ADGRB3: variants seen among roughly 807,000 people sequenced by gnomAD.
ADGRB3 encodes adhesion G protein-coupled receptor B3.
Under a neutral mutation model 193.4 loss-of-function variants are expected in ADGRB3, and 37 were observed. The observed-to-expected ratio is 0.19, with a 90% CI of 0.15 to 0.25. The LOEUF (loss-of-function observed/expected upper bound fraction) is 0.25, where lower values mean the gene tolerates loss of function less well. ADGRB3 is among the 10% of genes least tolerant of loss of function. ADGRB3 has a pLI of 1.00. For synonymous variants in ADGRB3, 690 were observed against 644.2 expected, an observed-to-expected ratio of 1.07 and a Z score of -1.08; for missense variants, 1,637 against 1,852.9, an observed-to-expected ratio of 0.88 and a Z score of 2.14.
At chr6:69,382,644 T>C (rs1204942129) in intron 30 of ADGRB3, among the ~76,000 whole-genome samples, 187 bp from the exon 31 acceptor site, 1 of 151,930 alleles carries the variant, frequency 6.6e-6, no homozygotes, top group Admixed American at 6.6e-5. Context: ...CAATTCTTAA[T>C]GTGTAAGAAG....
At chr6:69,193,588 T>TATTAA (rs1765240469) in intron 17 of ADGRB3, among the ~76,000 whole-genome samples, 1 of 152,048 alleles carries the variant, frequency 6.6e-6, no homozygotes, top group Admixed American at 6.6e-5. Flanking sequence ...TATAACACCA[T>TATTAA]ATTAAATAAC....
At chr6:68,841,056 C>T (rs1435462820) in intron 3 of ADGRB3, among the ~76,000 whole-genome samples, 3 of 152,114 alleles carry the variant, frequency 2.0e-5, no homozygotes, top group African/African-American at 7.2e-5. Flanking sequence ...GATATATCAA[C>T]TGCAAATATA....
intron 30 of ADGRB3, among the ~76,000 whole-genome samples, 200 bp downstream of exon 30, chr6:69,372,641 A>C (rs1243048196): frequency 6.6e-6 from 1 of 152,054 alleles, no homozygotes; most frequent in African/African-American, 2.4e-5. Context: ...GTATTTGCTA[A>C]ACTGAGATTT....
chr6:69,153,305 A>T (rs1176899915), intron 17 of ADGRB3, among the ~76,000 whole-genome samples: 3 of 152,136 alleles, frequency 2.0e-5, no homozygotes, highest in Non-Finnish European at 4.4e-5. Flanking sequence ...CTAAACACAT[A>T]CCTTTGAGAT....
At position 69,011,135 on chromosome 6, in the gene ADGRB3, A is replaced by ATGTGTGTGTG. The variant is rs66675226; in HGVS notation, c.1930-2879_1930-2870dup. Among the ~76,000 whole-genome samples the ATGTGTGTGTG allele has an allele frequency of 1.8e-3, 258 of 145,032 alleles. 1 individual carries two copies. The highest frequency in any genetic ancestry group is 6.0e-3 in the African/African-American group (234 of 38,812). ...TTAGTATGTGTATATATACATATAT[A>ATGTGTGTGTG]TGTGTGTGTGTGTGTGTGTGTGTGT... is the stretch of plus-strand genomic sequence containing the variant. On this transcript the variant is annotated intron_variant, in intron 11 of 31. Coordinates refer to ENST00000370598, the MANE Select transcript of ADGRB3 (RefSeq NM_001704.3).
intron 23 of ADGRB3, chr6:69,332,153 G>A (rs17748715): frequency 0.18 from 176,056 of 984,930 alleles, 15,966 homozygotes; most frequent in Non-Finnish European, 0.18. Flanking sequence ...AACTGTCGGG[G>A]CTCATCATAA....
intron 3 of ADGRB3, among the ~76,000 whole-genome samples, chr6:68,840,824 A>AAAAC (rs1021714074): frequency 3.9e-5 from 6 of 152,210 alleles, no homozygotes; most frequent in African/African-American, 9.6e-5. Flanking sequence ...AAATGGATAA[A>AAAAC]AAACAAGACC....
chr6:69,327,765 A>G, intron 21 of ADGRB3, 55 bp from the exon 22 acceptor site: 1 of 1,496,028 alleles, frequency 6.7e-7, no homozygotes. Context: ...TTCTTAGACC[A>G]GTATGCATAG....
At chr6:69,068,397 T>A (rs1309852112) in intron 16 of ADGRB3, among the ~76,000 whole-genome samples, 1 of 152,216 alleles carries the variant, frequency 6.6e-6, no homozygotes, top group East Asian at 1.9e-4. Flanking sequence ...TTAATTAATC[T>A]ATTTCTTTAT....
intron 17 of ADGRB3, among the ~76,000 whole-genome samples, chr6:69,082,055 GAC>G (rs1772401750): frequency 6.6e-6 from 1 of 151,990 alleles, no homozygotes; most frequent in South Asian, 2.1e-4. Flanking sequence ...AATTTTATCA[GAC>G]ACAGTCATTC....
intron 17 of ADGRB3, among the ~76,000 whole-genome samples, chr6:69,163,939 T>G (rs1177036908): frequency 6.6e-6 from 1 of 152,134 alleles, no homozygotes; most frequent in East Asian, 1.9e-4. Context: ...ATGTTAGTAT[T>G]TCTAAGTGCC....
At chr6:68,654,477 G>GA (rs1357204465) in intron 3 of ADGRB3, among the ~76,000 whole-genome samples, 2 of 151,816 alleles carry the variant, frequency 1.3e-5, no homozygotes, top group African/African-American at 4.8e-5. Flanking sequence ...AAAACAAAAT[G>GA]AAAAAATAAA....
At chr6:69,319,938 T>TAGTTTATTTCCTTACTTTATTTTCTAA in intron 20 of ADGRB3, among the ~76,000 whole-genome samples, 1 of 151,520 alleles carries the variant, frequency 6.6e-6, no homozygotes, top group Admixed American at 6.6e-5. Context: ...TGTTTGGAAT[T>TAGTTTATTTCCTTACTTTATTTTCTAA]AGTTTATTTC....
Position 69,327,865 on chromosome 6 carries a change from C to G in ADGRB3, c.3011C>G (p.Thr1004Arg). The G allele has an allele frequency of 6.2e-7, 1 of 1,610,098 alleles. No individual in the cohort carries two copies. Among genetic ancestry groups the G allele is most frequent in the South Asian group, 1.1e-5 (1 of 90,662 alleles). ...VVATSVGFTR[T>R]KGYGTDHYCW... ...GCCACATCAGTAGGCTTCACCAGAA[C>G]AAAAGGATATGGCACTGATCACTAG... Residue 1004 changes from threonine (T) to arginine (R), a missense_variant, in exon 22 of 32, where the codon ACA becomes AGA. Physicochemically the swap from Thr to Arg is moderately conservative, Grantham distance 71. Around this residue, in one of 7 missense-constraint regions of ADGRB3, gnomAD observed 87 missense variants for 161.0 expected, o/e 0.54. Transcript: ENST00000370598.
intron 3 of ADGRB3, among the ~76,000 whole-genome samples, chr6:68,648,536 G>T (rs1768270960): frequency 6.7e-6 from 1 of 148,262 alleles, no homozygotes; most frequent in African/African-American, 2.5e-5. Flanking sequence ...GATGGATCCA[G>T]ATTGCAATAT....
chr6:68,914,392 CA>C (rs1383620390), intron 3 of ADGRB3, among the ~76,000 whole-genome samples: 6 of 152,294 alleles, frequency 3.9e-5, no homozygotes, highest in African/African-American at 1.4e-4. Flanking sequence ...CAATATTCAA[CA>C]TTCTTAAAGA....
intron 17 of ADGRB3, among the ~76,000 whole-genome samples, chr6:69,198,352 A>G (rs1243901493): frequency 6.6e-6 from 1 of 151,904 alleles, no homozygotes; most frequent in Non-Finnish European, 1.5e-5. Flanking sequence ...TAAAGCCCCC[A>G]CTCTCACGAT....
intron 3 of ADGRB3, among the ~76,000 whole-genome samples, chr6:68,897,690 A>G (rs1766270401): frequency 8.3e-6 from 1 of 120,562 alleles, no homozygotes; most frequent in Admixed American, 8.1e-5. Context: ...AGAAAGAGAA[A>G]CAGAAAGAAG....
chr6:68,916,367 G>A (rs952486357), intron 3 of ADGRB3, among the ~76,000 whole-genome samples: 4 of 152,122 alleles, frequency 2.6e-5, no homozygotes, highest in African/African-American at 7.2e-5. Context: ...ATTGTTCAAT[G>A]AAAATAATCT....
Sources: allele counts gnomAD v4.1 joint callset (sites outside exome capture counted in the v4.1 genomes callset), GRCh38; gene constraint gnomAD v4.1.1; regional missense constraint gnomAD v4.1.1; transcripts MANE v1.5; gene names NCBI Gene and HGNC (gene_info 2026-07-23, HGNC 2026-07-21).